The following SEC14L6 variants were observed in gnomAD, a reference collection of about 807,000 sequenced individuals.
SEC14L6 encodes SEC14-like protein 6.
A neutral mutation model predicts 54.1 loss-of-function variants in SEC14L6; 40 were observed. That is an observed-to-expected ratio of 0.74 (90% CI 0.57 to 0.96). The LOEUF (loss-of-function observed/expected upper bound fraction) is 0.96. Among genes scored for constraint, SEC14L6 ranks in the 40% least tolerant of loss-of-function variants. The pLI, the probability that SEC14L6 is intolerant of heterozygous loss-of-function variation, is 0.00. For synonymous variants in SEC14L6, 171 were observed against 198.4 expected (o/e 0.86, Z 1.16); for missense variants, 471 against 498.3 (o/e 0.95, Z 0.52).
At chr22:30,543,056 A>C in intron 1 of SEC14L6, 1 of 1,598,498 alleles carries the variant, frequency 6.3e-7, no homozygotes, top group Non-Finnish European at 8.6e-7. Flanking sequence ...GCCACACCTG[A>C]CCACACAGTG....
At chr22:30,526,097 T>C (rs753468728) in intron 8 of SEC14L6, among the ~76,000 whole-genome samples, 165 bp from the exon 9 acceptor site, 13 of 152,192 alleles carry the variant, frequency 8.5e-5, no homozygotes, top group Non-Finnish European at 1.5e-4. Context: ...GGAAGCCAAG[T>C]GGCCCTAGGT....
chr22:30,525,727 G>A lies in SEC14L6; in HGVS notation c.795C>T (p.Pro265=), dbSNP rs769435314. 13 of 1,613,816 alleles carry A rather than the reference G, an allele frequency of 8.1e-6. No homozygotes were observed. The Admixed American group carries it at 1.5e-4, about 19-fold the overall frequency. The change falls in exon 10 of 12, where the codon CCC becomes CCT. Residue 265 remains proline (P), a synonymous_variant. Coordinates refer to ENST00000402034, the MANE Select transcript of SEC14L6 (RefSeq NM_001193336.4). The part of the protein sequence containing the change: ...LTKINYGGEV[P]KSYYLCKQVR... ...CCTGCTTGCACAGGTAGTAGCTCTTGGGCACCTCACCCCCGTAGTTGATCT... is the reference window on the plus strand; with the variant it reads ...CCTGCTTGCACAGGTAGTAGCTCTTAGGCACCTCACCCCCGTAGTTGATCT...
At chr22:30,528,018 T>C (rs1054777268) in intron 8 of SEC14L6, among the ~76,000 whole-genome samples, 2 of 151,988 alleles carry the variant, frequency 1.3e-5, no homozygotes, top group Non-Finnish European at 2.9e-5. Flanking sequence ...GTGTTAATTG[T>C]AGTTCGCTGG....
intron 1 of SEC14L6, chr22:30,542,983 G>A: frequency 1.2e-6 from 2 of 1,601,976 alleles, no homozygotes; most frequent in Non-Finnish European, 1.7e-6. Flanking sequence ...GTCTGGAGCA[G>A]GCACTGAGCT....
chr22:30,543,648 C>G (rs538565781), intron 1 of SEC14L6: 4 of 1,612,798 alleles, frequency 2.5e-6, no homozygotes, highest in Non-Finnish European at 2.5e-6. Context: ...GCTCAAATAC[C>G]GCCGCTGAGA....
Position 30,538,838 on chromosome 22 carries a change from C to G in SEC14L6, c.119G>C (p.Arg40Pro). 1 of 1,557,108 alleles carries G rather than the reference C, an allele frequency of 6.4e-7. No homozygotes were observed. Among genetic ancestry groups the G allele is most frequent in the Non-Finnish European group, 8.7e-7 (1 of 1,149,480 alleles). ...CGCTCTATCCTTACCTTGGAGCCAG[C>G]GCAGGAGGAAGTAGTCATCAGGATT... ...LPNPDDYFLL[R>P]WLQARSFDLQ... Residue 40 changes from arginine (R) to proline (P), a missense_variant, in exon 2 of 12, where the codon CGC becomes CCC. Transcript: ENST00000402034.
intron 1 of SEC14L6, among the ~76,000 whole-genome samples, chr22:30,539,351 T>TGGGGGACAAGA (rs2085656558): frequency 2.0e-5 from 3 of 152,126 alleles, no homozygotes; most frequent in Non-Finnish European, 4.4e-5. Context: ...CACTCCAGCC[T>TGGGGGACAAGA]GGGGGACAAG....
In SEC14L6 at chr22:30,532,842, C is replaced by T; in HGVS notation, c.189G>A (p.Arg63=). Residue 63 remains arginine (R), a synonymous_variant, in exon 4 of 12, where the codon CGG becomes CGA. Coordinates refer to ENST00000402034, the MANE Select transcript of SEC14L6 (RefSeq NM_001193336.4). The stretch of plus-strand genomic sequence containing the variant: ...GGATGTTGGCCAGGTCTTGTTGCTT[C>T]CGGAACTCCATATGCTGCAGAGACA... ...EDMLRKHMEF[R]KQQDLANILA... is the part of the protein sequence containing the mutation. 6.2e-7 allele frequency: 1 copy of T among 1,613,720 alleles called. No homozygotes were observed. Among genetic ancestry groups the T allele is most frequent in the South Asian group, 1.1e-5 (1 of 91,040 alleles).
intron 2 of SEC14L6, among the ~76,000 whole-genome samples, chr22:30,536,331 T>C (rs947709416): frequency 6.6e-5 from 10 of 151,994 alleles, no homozygotes; most frequent in Non-Finnish European, 1.3e-4. Context: ...CATGGTTTCA[T>C]AGTGGTTTTC....
intron 1 of SEC14L6, among the ~76,000 whole-genome samples, chr22:30,540,048 A>T (rs1031506630): frequency 2.0e-5 from 3 of 152,196 alleles, no homozygotes; most frequent in Non-Finnish European, 4.4e-5. Flanking sequence ...TCTGGGTCTT[A>T]TTCTCTTTGG....
chr22:30,542,424 G>A, intron 1 of SEC14L6: 1 of 443,038 alleles, frequency 2.3e-6, no homozygotes, highest in African/African-American at 2.1e-5. Context: ...AACTTCCCCA[G>A]GCCACCTTAA....
chr22:30,533,844 C>T (rs574424594), intron 3 of SEC14L6, among the ~76,000 whole-genome samples, 152 bp downstream of exon 3: 3 of 152,308 alleles, frequency 2.0e-5, no homozygotes, highest in South Asian at 2.1e-4. Context: ...GTCTCCCCAG[C>T]GCCTAGCACC....
intron 1 of SEC14L6, chr22:30,544,235 CCCT>C (rs1026410403): frequency 1.8e-6 from 1 of 560,504 alleles, no homozygotes; most frequent in African/African-American, 1.9e-5. Context: ...CTCTCCCCAC[CCCT>C]CCTTGGCTCT....
In SEC14L6 at chr22:30,546,612, T is replaced by A; in HGVS notation, c.54+17A>T. The A allele has an allele frequency of 6.5e-7, 1 of 1,548,492 alleles. No homozygotes were observed. On this transcript the variant is annotated intron_variant, in intron 1 of 11. Transcript: ENST00000402034. ...GGAGAAACTGAGGCTGGTGTAGGAG[T>A]CTCTCCCTTCACTCACCTGGGCCAG...
rs535400898 is a variant in SEC14L6, at chr22:30,523,184, G to T, written c.*1813C>A. On this transcript the variant is annotated 3_prime_UTR_variant, in exon 12 of 12. Coordinates refer to ENST00000402034, the MANE Select transcript of SEC14L6 (RefSeq NM_001193336.4). ...AGGCAATTAGGGAAGAACTTTGGCT[G>T]TCATTTGGGGCTGCCACATTGAGAA... 7 of 152,322 alleles carry T rather than the reference G, an allele frequency of 4.6e-5. No homozygotes were observed. Among genetic ancestry groups the T allele is most frequent in the African/African-American group, 1.7e-4 (7 of 41,564 alleles). The allele number at this position is 152,322 out of a possible 1,614,324, so 9.4% of individuals were successfully genotyped here. A position where few individuals can be genotyped will look rare whatever the true frequency, so the allele number is the denominator to read the frequency against.
Position 30,529,115 on chromosome 22 carries a change from C to G in SEC14L6, c.636G>C (p.Glu212Asp), listed in dbSNP as rs770771225. The change falls in exon 8 of 12, where the codon GAG (glutamate) becomes GAC (aspartate). Residue 212 changes from glutamate to aspartate, a missense_variant. Coordinates refer to ENST00000402034, the MANE Select transcript of SEC14L6 (RefSeq NM_001193336.4). Reference protein sequence around the residue: ...FNLVKSYMSEETRRKVVILGD... With the variant: ...FNLVKSYMSEDTRRKVVILGD... The stretch of plus-strand genomic sequence containing the variant: ...CGAGAATCACCACCTTCCTGCGTGT[C>G]TCTTCACTCATGTAAGACTTGACCA... 60 of 1,551,138 alleles carry G rather than the reference C, an allele frequency of 3.9e-5. No homozygotes were observed. The highest frequency in any genetic ancestry group is 5.2e-5 in the Non-Finnish European group (60 of 1,147,174).
intron 1 of SEC14L6, chr22:30,543,487 G>A: frequency 3.7e-6 from 6 of 1,612,690 alleles, no homozygotes; most frequent in Non-Finnish European, 5.1e-6. Context: ...AGAGAACAAG[G>A]ATGGCACCTA....
intron 8 of SEC14L6, among the ~76,000 whole-genome samples, chr22:30,527,441 T>C (rs947472994): frequency 6.6e-6 from 1 of 151,980 alleles, no homozygotes; most frequent in Non-Finnish European, 1.5e-5. Context: ...GGCAAGAATA[T>C]TTTTAATTAT....
chr22:30,526,040 C>A (rs561076872), intron 8 of SEC14L6, 108 bp from the exon 9 acceptor site: 5 of 1,353,620 alleles, frequency 3.7e-6, no homozygotes, highest in East Asian at 2.5e-5. Flanking sequence ...CCCTCCCTGG[C>A]GCGCTTTTGC....
Sources: gnomAD v4.1 joint callset for allele counts (sites outside exome capture counted in the v4.1 genomes callset) on GRCh38, gnomAD v4.1.1 for gene constraint, MANE v1.5 for transcripts, NCBI Gene and HGNC (gene_info 2026-07-23, HGNC 2026-07-21) for gene names.